The following IFT74 variants were observed in gnomAD, a reference collection of about 807,000 sequenced individuals.
IFT74 encodes intraflagellar transport 74.
IFT74 carries 92 observed loss-of-function variants against 96.7 expected under a neutral mutation model. The ratio of observed to expected loss-of-function variants is 0.95; its 90% CI spans 0.80 to 1.13. The LOEUF (loss-of-function observed/expected upper bound fraction) is 1.13. Ranked by LOEUF, IFT74 falls within the 50% of genes most tolerant of loss-of-function variation. IFT74 has a pLI of 0.00. For synonymous variants in IFT74, 223 were observed against 213.2 expected (o/e 1.05, Z -0.40); for missense variants, 811 against 698.2 (o/e 1.16, Z -1.82).
At chr9:27,034,605 C>G (rs918075633) in intron 13 of IFT74, among the ~76,000 whole-genome samples, 7 of 151,998 alleles carry the variant, frequency 4.6e-5, no homozygotes, top group South Asian at 2.1e-4. Context: ...CTTGACTTAC[C>G]GCAACCTCCA....
rs1820576509 is a variant in IFT74 at position 27,065,392 on chromosome 9, A to G, written c.*2656A>G. Among the ~76,000 whole-genome samples, 1 of 152,188 alleles carries G rather than the reference A, an allele frequency of 6.6e-6. No homozygotes were observed. ...TCAGTCACATTACTCAGGGGGTTCCATTCATGCTAAAATAACACCTTGTAA... is the reference window on the plus strand; with the variant it reads ...TCAGTCACATTACTCAGGGGGTTCCGTTCATGCTAAAATAACACCTTGTAA... On this transcript the variant is annotated 3_prime_UTR_variant, in exon 20 of 20. Coordinates refer to ENST00000380062, the MANE Select transcript of IFT74 (RefSeq NM_025103.4).
At chr9:27,035,926 G>A (rs986535726) in intron 13 of IFT74, among the ~76,000 whole-genome samples, 1 of 152,078 alleles carries the variant, frequency 6.6e-6, no homozygotes, top group East Asian at 1.9e-4. Flanking sequence ...GTGCCATGCA[G>A]TCAAAAATCC....
intron 8 of IFT74, among the ~76,000 whole-genome samples, chr9:27,001,601 G>A (rs576878766): frequency 1.3e-5 from 2 of 152,132 alleles, no homozygotes; most frequent in East Asian, 1.9e-4. Flanking sequence ...TGTCTTTTGT[G>A]TGTTTTTTGA....
At chr9:26,976,913 TGTAAGCCCTTTAGTACTTAC>T in intron 2 of IFT74, 1 of 393,460 alleles carries the variant, frequency 2.5e-6, no homozygotes, top group South Asian at 2.0e-5. Flanking sequence ...TGTTTAACAA[TGTAAGCCCTTTAGTACTTAC>T]ATGGTCATCT....
At chr9:27,006,831 G>GTTTTT (rs35534656) in intron 8 of IFT74, among the ~76,000 whole-genome samples, 19 of 64,386 alleles carry the variant, frequency 3.0e-4, no homozygotes, top group East Asian at 7.4e-4. Context: ...ATTATTGTGT[G>GTTTTT]TTTTTTTTTT....
At chr9:27,005,782 C>T (rs958503472) in intron 8 of IFT74, 1 of 150,854 alleles carries the variant, frequency 6.6e-6, no homozygotes, top group Non-Finnish European at 1.5e-5. Flanking sequence ...TTCTTAAAGT[C>T]ATCTTTTCCT....
chr9:27,006,843 T>G (rs1238814378), intron 8 of IFT74, among the ~76,000 whole-genome samples: 21 of 136,638 alleles, frequency 1.5e-4, no homozygotes, highest in African/African-American at 4.9e-4. Context: ...TTTTTTTTTT[T>G]TTTTTTTTTT....
intron 15 of IFT74, among the ~76,000 whole-genome samples, 183 bp downstream of exon 15, chr9:27,047,554 AG>A (rs753319899): frequency 5.6e-4 from 85 of 152,198 alleles, no homozygotes; most frequent in Non-Finnish European, 1.1e-3. Flanking sequence ...GCAAAATGTC[AG>A]GTAATTAGGG....
At chr9:26,984,678 A>G in intron 6 of IFT74, 119 bp downstream of exon 6, 1 of 706,104 alleles carries the variant, frequency 1.4e-6, no homozygotes, top group Non-Finnish European at 2.4e-6. Flanking sequence ...GAAGACAAAC[A>G]TGCAGCCAAC....
chr9:27,015,979 C>T (rs757149203), intron 10 of IFT74, among the ~76,000 whole-genome samples: 1 of 152,106 alleles, frequency 6.6e-6, no homozygotes, highest in South Asian at 2.1e-4. Flanking sequence ...TTTGTCACAT[C>T]CTTATTTTTT....
At chr9:27,053,331 T>A (rs1266352262) in intron 16 of IFT74, among the ~76,000 whole-genome samples, 2 of 151,122 alleles carry the variant, frequency 1.3e-5, no homozygotes, top group Non-Finnish European at 3.0e-5. Flanking sequence ...GGAAAAAGAG[T>A]CTGTAATCGA....
chr9:27,050,844 CTGCACGTTG>C (rs1370900038), intron 16 of IFT74, among the ~76,000 whole-genome samples: 2 of 151,902 alleles, frequency 1.3e-5, no homozygotes, highest in Non-Finnish European at 2.9e-5. Flanking sequence ...TGTAACAAAC[CTGCACGTTG>C]TGCACATGTA....
chr9:26,950,185 G>C lies in IFT74; in HGVS notation c.-20+3039G>C, dbSNP rs530202106. 7.3e-5 allele frequency among the ~76,000 whole-genome samples: 11 copies of C among 151,206 alleles called. No individual in the cohort carries two copies. The South Asian group carries it at 2.3e-3, about 32-fold the overall frequency. ...AAGTTAGCCGGGTGTGGTGGCACGC[G>C]CCTGTAGTCCCAGCTACTCAGGAGG... is the stretch of plus-strand genomic sequence containing the variant. On this transcript the variant is annotated intron_variant, in intron 1 of 19. Transcript: ENST00000433700.
At chr9:27,021,350 G>A (rs377691410) in intron 12 of IFT74, among the ~76,000 whole-genome samples, 10 of 152,004 alleles carry the variant, frequency 6.6e-5, no homozygotes, top group African/African-American at 1.9e-4. Flanking sequence ...TAGATACCTC[G>A]TAGTGGGATC....
upstream of IFT74, among the ~76,000 whole-genome samples, chr9:26,955,362 A>T (rs1826047803): frequency 6.6e-6 from 1 of 151,950 alleles, no homozygotes. Flanking sequence ...ACTTCAACAG[A>T]CTCTCTGAAG....
At chr9:27,056,856 A>G (rs2131705725) in intron 18 of IFT74, among the ~76,000 whole-genome samples, 1 of 133,900 alleles carries the variant, frequency 7.5e-6, no homozygotes, top group Admixed American at 7.6e-5. Context: ...CTTTTAGTCA[A>G]TGGATAGATA....
At chr9:26,994,296 T>G (rs1489475560) in intron 8 of IFT74, 1 of 152,110 alleles carries the variant, frequency 6.6e-6, no homozygotes, top group African/African-American at 2.4e-5. Context: ...CCCAGCACTT[T>G]GGGAGGCCGA....
chr9:27,041,070 A>C (rs544059740), intron 13 of IFT74, among the ~76,000 whole-genome samples: 1 of 144,160 alleles, frequency 6.9e-6, no homozygotes, highest in Non-Finnish European at 1.6e-5. Context: ...CAGTAGCCCC[A>C]GTCTTTTGTT....
At chr9:27,050,201 G>A (rs914624187) in intron 16 of IFT74, among the ~76,000 whole-genome samples, 1 of 152,064 alleles carries the variant, frequency 6.6e-6, no homozygotes, top group Non-Finnish European at 1.5e-5. Context: ...GGGACTACAG[G>A]CACACACCAG....
Sources: allele counts gnomAD v4.1 joint callset (sites outside exome capture counted in the v4.1 genomes callset), GRCh38; gene constraint gnomAD v4.1.1; transcripts MANE v1.5; gene names NCBI Gene and HGNC (gene_info 2026-07-23, HGNC 2026-07-21).